The following FOXP2 variants were observed in gnomAD, a reference collection of about 807,000 sequenced individuals.
The protein encoded by FOXP2 is forkhead box P2.
In FOXP2, 12 loss-of-function variants were observed where a neutral mutation model predicts 115.8. That is an observed-to-expected ratio of 0.10 (90% confidence interval 0.07 to 0.17). The LOEUF (loss-of-function observed/expected upper bound fraction) is 0.17. Ranked by LOEUF, FOXP2 falls within the 10% of genes least tolerant of loss-of-function variation. FOXP2 has a pLI of 1.00. For missense variants in FOXP2, 629 were observed against 843.5 expected, an observed-to-expected ratio of 0.75 and a Z score of 3.15; for synonymous variants, 328 against 297.7, an observed-to-expected ratio of 1.10 and a Z score of -1.05.
intron 3 of FOXP2, among the ~76,000 whole-genome samples, chr7:114,583,429 A>G (rs756030840): frequency 6.6e-6 from 1 of 151,700 alleles, no homozygotes; most frequent in Non-Finnish European, 1.5e-5. Context: ...CTTTCACTGC[A>G]TATTTGTCAT....
intron 2 of FOXP2, among the ~76,000 whole-genome samples, chr7:114,478,562 C>T (rs752862165): frequency 4.7e-4 from 72 of 151,772 alleles, no homozygotes; most frequent in Non-Finnish European, 8.9e-4. Context: ...GTCCACACCA[C>T]ATTTGTGGTT....
At chr7:114,253,127 T>A (rs1305881000) in intron 1 of FOXP2, among the ~76,000 whole-genome samples, 1 of 152,156 alleles carries the variant, frequency 6.6e-6, no homozygotes, top group African/African-American at 2.4e-5. Flanking sequence ...AATCCTGAGT[T>A]CTAGTTTGAT....
chr7:114,392,072 T>C (rs560248250), intron 2 of FOXP2, among the ~76,000 whole-genome samples: 8 of 152,312 alleles, frequency 5.3e-5, no homozygotes, highest in Non-Finnish European at 1.2e-4. Context: ...TCATAATTTG[T>C]TCAATGTGCC....
rs1283357982 is a variant in FOXP2 at position 114,658,143 on chromosome 7, C to T, written c.1344C>T (p.Thr448=). 1.2e-6 allele frequency: 2 copies of T among 1,613,818 alleles called. No individual in the cohort carries two copies. The highest frequency in any genetic ancestry group is 1.7e-6 in the Non-Finnish European group (2 of 1,179,918). Residue 448 remains threonine (T), a synonymous_variant, in exon 11 of 17, where the codon ACC becomes ACT. Coordinates refer to ENST00000350908, the MANE Select transcript of FOXP2 (RefSeq NM_014491.4). Reference sequence around the variant, plus strand: ...CACAGAGCTTACCTCAAACCCCTACCACACCAACGGCCCCAGTCACCCCGA... The same window carrying T: ...CACAGAGCTTACCTCAAACCCCTACTACACCAACGGCCCCAGTCACCCCGA... ...TSPQSLPQTP[T]TPTAPVTPIT...
chr7:114,182,248 A>AT, intron 1 of FOXP2, among the ~76,000 whole-genome samples: 1 of 151,930 alleles, frequency 6.6e-6, no homozygotes, highest in African/African-American at 2.4e-5. Flanking sequence ...AATGTAACTG[A>AT]TTTTTTTAAT....
intron 1 of FOXP2, among the ~76,000 whole-genome samples, chr7:114,135,529 TAA>T (rs1184426979): frequency 2.0e-5 from 3 of 152,246 alleles, no homozygotes; most frequent in East Asian, 1.9e-4. Flanking sequence ...AAAGTAGACT[TAA>T]GAGATAAAAA....
intron 2 of FOXP2, among the ~76,000 whole-genome samples, chr7:114,524,763 GTACATTTC>G (rs2129271499): frequency 6.6e-6 from 1 of 152,110 alleles, no homozygotes; most frequent in South Asian, 2.1e-4. Context: ...ATGGCTTACA[GTACATTTC>G]TACATTGCGA....
chr7:114,226,020 A>T (rs534304560), intron 1 of FOXP2, among the ~76,000 whole-genome samples: 8 of 152,264 alleles, frequency 5.3e-5, no homozygotes, highest in Non-Finnish European at 8.8e-5. Flanking sequence ...TAGGAATCAC[A>T]CAGGTGGTTG....
At chr7:114,437,872 A>T (rs1037742623) in intron 2 of FOXP2, among the ~76,000 whole-genome samples, 3 of 152,148 alleles carry the variant, frequency 2.0e-5, no homozygotes, top group South Asian at 2.1e-4. Context: ...AGTTCAGTTC[A>T]TGGTTATTAA....
intron 3 of FOXP2, among the ~76,000 whole-genome samples, chr7:114,610,824 G>T (rs1381203901): frequency 1.3e-5 from 2 of 151,748 alleles, no homozygotes; most frequent in Non-Finnish European, 2.9e-5. Flanking sequence ...GGTAGAGATG[G>T]GGGTTTCCCC....
upstream of FOXP2, among the ~76,000 whole-genome samples, chr7:114,413,806 A>G (rs1201091897): frequency 2.6e-5 from 4 of 152,178 alleles, no homozygotes; most frequent in Non-Finnish European, 4.4e-5. Context: ...TGAAGAAACT[A>G]AAACAAGATA....
At chr7:114,324,957 A>C (rs1446691108) in intron 2 of FOXP2, among the ~76,000 whole-genome samples, 3 of 151,872 alleles carry the variant, frequency 2.0e-5, no homozygotes, top group Non-Finnish European at 1.5e-5. Context: ...TATGGAGTAC[A>C]TGAGATGTTT....
At chr7:114,087,713 G>A (rs1799451166), upstream of FOXP2, 1 of 151,022 alleles carries the variant, frequency 6.6e-6, no homozygotes, top group African/African-American at 2.4e-5. Context: ...CTGCCCACCC[G>A]CGAGGCCGCA....
intron 2 of FOXP2, among the ~76,000 whole-genome samples, chr7:114,352,615 C>T (rs1336368048): frequency 2.0e-5 from 3 of 152,148 alleles, no homozygotes; most frequent in East Asian, 1.9e-4. Flanking sequence ...GCAGGGTTGG[C>T]TCCCTCAGAC....
intron 3 of FOXP2, among the ~76,000 whole-genome samples, chr7:114,588,116 T>C (rs1302602147): frequency 6.6e-6 from 1 of 151,780 alleles, no homozygotes; most frequent in Non-Finnish European, 1.5e-5. Context: ...GAGACCATCC[T>C]GGCTAACATG....
At chr7:114,570,929 A>G (rs1448294607) in intron 3 of FOXP2, 1 of 1,496,754 alleles carries the variant, frequency 6.7e-7, no homozygotes, top group Admixed American at 1.7e-5. Flanking sequence ...GCACAAGGCC[A>G]TGGACCCAGT....
At chr7:114,133,574 C>T (rs974557587) in intron 1 of FOXP2, among the ~76,000 whole-genome samples, 2 of 152,142 alleles carry the variant, frequency 1.3e-5, no homozygotes, top group African/African-American at 2.4e-5. Context: ...GGTTTGGATA[C>T]TGTTTGTCCC....
chr7:114,665,731 A>G (rs1205741422), intron 16 of FOXP2: 1 of 152,138 alleles, frequency 6.6e-6, no homozygotes. Context: ...AAAAGAAGTA[A>G]TAAAACTCAA....
chr7:114,201,560 T>G (rs1177361156), intron 1 of FOXP2, among the ~76,000 whole-genome samples: 1 of 152,192 alleles, frequency 6.6e-6, no homozygotes, highest in Non-Finnish European at 1.5e-5. Flanking sequence ...TGATATATTT[T>G]TGTTTTCTTA....
Sources: allele counts gnomAD v4.1 joint callset (sites outside exome capture counted in the v4.1 genomes callset), GRCh38; gene constraint gnomAD v4.1.1; transcripts MANE v1.5; gene names NCBI Gene and HGNC (gene_info 2026-07-23, HGNC 2026-07-21).